Variants in DRC11 observed in about 807,000 individuals in gnomAD.
DRC11 encodes the protein IQ and AAA domain-containing protein 1.
the DRC11 span, among the ~76,000 whole-genome samples, chr2:236,356,502 C>T: frequency 4.7e-3 from 707 of 150,810 alleles, 11 homozygotes; most frequent in South Asian, 0.039. Flanking sequence ...GGGGGCCACG[C>T]GACGGTCTTG....
the DRC11 span, chr2:236,331,317 A>G: frequency 3.0e-6 from 4 of 1,331,360 alleles, no homozygotes; most frequent in Non-Finnish European, 4.3e-6. This position sits in a 1 kb window ranked among gnomAD's most constrained non-coding sequence, Gnocchi z 4.8. Context: ...CAGCGTGAGG[A>G]GTGTCTGCTG....
the DRC11 span, among the ~76,000 whole-genome samples, chr2:236,461,701 A>G: frequency 1.3e-5 from 2 of 152,208 alleles, no homozygotes; most frequent in Admixed American, 6.5e-5. This position sits in a 1 kb window ranked among gnomAD's most constrained non-coding sequence, Gnocchi z 4.0. Context: ...TCACAACTCC[A>G]TGAAACAGGG....
chr2:236,405,682 G>C, the DRC11 span, among the ~76,000 whole-genome samples: 1 of 152,092 alleles, frequency 6.6e-6, no homozygotes, highest in Non-Finnish European at 1.5e-5. The surrounding 1 kb of genome is among the most constrained non-coding windows in gnomAD (Gnocchi z 4.6). Context: ...TGATTTAGAC[G>C]ATAGTAGTCC....
chr2:236,507,156 A>G, the DRC11 span: 19,386 of 1,211,816 alleles, frequency 0.016, 562 homozygotes, highest in East Asian at 0.13. Flanking sequence ...AGAGGGGAGG[A>G]GAAAAGAAAA....
the DRC11 span, among the ~76,000 whole-genome samples, chr2:236,357,570 A>G: frequency 1.6e-5 from 2 of 125,122 alleles, no homozygotes; most frequent in East Asian, 4.7e-4. Flanking sequence ...ACATATATGC[A>G]TAGTTATATA....
At chr2:236,447,831 C>T in the DRC11 span, among the ~76,000 whole-genome samples, 14 of 132,100 alleles carry the variant, frequency 1.1e-4, no homozygotes, top group Non-Finnish European at 2.0e-4. The surrounding 1 kb of genome is among the most constrained non-coding windows in gnomAD (Gnocchi z 4.6). Flanking sequence ...ATCGAGGAGT[C>T]GGCTTGGACC....
the DRC11 span, chr2:236,497,310 G>C: frequency 1.2e-6 from 2 of 1,613,902 alleles, no homozygotes; most frequent in Non-Finnish European, 1.7e-6. The surrounding 1 kb of genome is among the most constrained non-coding windows in gnomAD (Gnocchi z 5.1). Context: ...GGGGGTGGAC[G>C]AACTGGTCGT....
At chr2:236,458,266 C>T in the DRC11 span, among the ~76,000 whole-genome samples, 27 of 152,140 alleles carry the variant, frequency 1.8e-4, no homozygotes, top group Non-Finnish European at 2.9e-5. Context: ...TGACAAAAAT[C>T]GCTATTTCAA....
At chr2:236,465,476 G>A in the DRC11 span, 2 of 1,580,078 alleles carry the variant, frequency 1.3e-6, no homozygotes. The surrounding 1 kb of genome is among the most constrained non-coding windows in gnomAD (Gnocchi z 6.2). Context: ...AGAACAGACT[G>A]GATATGTCAC....
At chr2:236,428,006 A>G in the DRC11 span, among the ~76,000 whole-genome samples, 2 of 152,016 alleles carry the variant, frequency 1.3e-5, no homozygotes, top group Non-Finnish European at 2.9e-5. Context: ...GTTGTTTAGG[A>G]GCATGTTGTT....
chr2:236,449,928 C>A, the DRC11 span, among the ~76,000 whole-genome samples: 1 of 152,122 alleles, frequency 6.6e-6, no homozygotes, highest in East Asian at 1.9e-4. The surrounding 1 kb of genome is among the most constrained non-coding windows in gnomAD (Gnocchi z 5.1). Flanking sequence ...GAAAAAGGGA[C>A]AGGAGGAGAA....
chr2:236,403,732 G>A, the DRC11 span, among the ~76,000 whole-genome samples: 3 of 151,972 alleles, frequency 2.0e-5, no homozygotes, highest in Non-Finnish European at 2.9e-5. Flanking sequence ...GAAAGTGCAT[G>A]AGCCTACCTA....
chr2:236,420,911 T>C, the DRC11 span, among the ~76,000 whole-genome samples: 2 of 152,212 alleles, frequency 1.3e-5, no homozygotes, highest in Non-Finnish European at 2.9e-5. The surrounding 1 kb of genome is among the most constrained non-coding windows in gnomAD (Gnocchi z 4.8). Context: ...ACACAGACAT[T>C]GTTTGGACCT....
the DRC11 span, among the ~76,000 whole-genome samples, chr2:236,377,731 G>A: frequency 6.6e-6 from 1 of 152,094 alleles, no homozygotes; most frequent in Non-Finnish European, 1.5e-5. The surrounding 1 kb of genome is among the most constrained non-coding windows in gnomAD (Gnocchi z 4.9). Context: ...TTTTAGGAGG[G>A]TGTTATACTT....
the DRC11 span, among the ~76,000 whole-genome samples, chr2:236,440,828 A>G: frequency 6.6e-6 from 1 of 152,150 alleles, no homozygotes; most frequent in African/African-American, 2.4e-5. Context: ...ACACATCATC[A>G]CATCTCTTTC....
the DRC11 span, among the ~76,000 whole-genome samples, chr2:236,462,386 C>T: frequency 6.6e-6 from 1 of 152,098 alleles, no homozygotes; most frequent in Non-Finnish European, 1.5e-5. This position sits in a 1 kb window ranked among gnomAD's most constrained non-coding sequence, Gnocchi z 6.4. Flanking sequence ...AGAAACCCAC[C>T]AGGCGCCGGG....
At chr2:236,456,534 C>T in the DRC11 span, among the ~76,000 whole-genome samples, 1 of 152,196 alleles carries the variant, frequency 6.6e-6, no homozygotes, top group Non-Finnish European at 1.5e-5. This position sits in a 1 kb window ranked among gnomAD's most constrained non-coding sequence, Gnocchi z 5.4. Context: ...TAACCTCAAG[C>T]CCCCGAGTTT....
the DRC11 span, among the ~76,000 whole-genome samples, chr2:236,416,636 C>T: frequency 1.7e-3 from 255 of 149,700 alleles, 3 homozygotes; most frequent in Non-Finnish European, 2.4e-3. Flanking sequence ...AAAGGAACCA[C>T]TGCCTTCAGT....
chr2:236,414,164 C>T, the DRC11 span, among the ~76,000 whole-genome samples: 1 of 151,906 alleles, frequency 6.6e-6, no homozygotes, highest in Non-Finnish European at 1.5e-5. Context: ...AATATTTTCT[C>T]CCATCCATAG....
Sources: gnomAD v4.1 joint callset for allele counts (sites outside exome capture counted in the v4.1 genomes callset) on GRCh38, gnomAD v4.1.1 for gene constraint, Gnocchi (gnomAD v3.1) non-coding constraint, MANE v1.5 for transcripts, NCBI Gene and HGNC (gene_info 2026-07-23, HGNC 2026-07-21) for gene names.